Variants in NRXN1 observed in about 807,000 individuals in gnomAD.
NRXN1 encodes neurexin-1.
A neutral mutation model predicts 150.9 loss-of-function variants in NRXN1; 39 were observed. The ratio of observed to expected loss-of-function variants is 0.26; its 90% CI spans 0.20 to 0.34. NRXN1 has a LOEUF of 0.34. Among genes scored for constraint, NRXN1 ranks in the 10% least tolerant of loss-of-function variants. The pLI, the probability that NRXN1 is intolerant of heterozygous loss-of-function variation, is 1.00. For missense variants in NRXN1, 1,815 were observed against 1,949.9 expected (o/e 0.93, Z 1.30); for synonymous variants, 924 against 757.0 (o/e 1.22, Z -3.62).
At chr2:50,370,064 C>T (rs553602860) in intron 17 of NRXN1, among the ~76,000 whole-genome samples, 1 of 152,130 alleles carries the variant, frequency 6.6e-6, no homozygotes, top group Admixed American at 6.6e-5. Context: ...CATTGAGACT[C>T]CATTATCTAC....
chr2:50,622,723 C>A lies in NRXN1; in HGVS notation c.1134+591G>T, dbSNP rs570677426. Among the ~76,000 whole-genome samples, 4 of 152,160 alleles carry A rather than the reference C, an allele frequency of 2.6e-5. No individual in the cohort carries two copies. In the South Asian group the frequency reaches 8.3e-4, roughly 32 times the overall value. On this transcript the variant is annotated intron_variant, in intron 6 of 22. Coordinates refer to ENST00000401669, the MANE Select transcript of NRXN1 (RefSeq NM_001330078.2). Reference sequence around the variant, plus strand: ...AATGGGCACCTAGAAGATTAACTGGCCTTTCCAGAGTCATTTGGGGTTTAA... The same window carrying A: ...AATGGGCACCTAGAAGATTAACTGGACTTTCCAGAGTCATTTGGGGTTTAA...
chr2:50,824,321 T>TGC (rs1312295132), intron 5 of NRXN1, among the ~76,000 whole-genome samples: 1 of 151,968 alleles, frequency 6.6e-6, no homozygotes, highest in Admixed American at 6.6e-5. Flanking sequence ...TGTGTGTGTG[T>TGC]GTGTGAAAAA....
intron 18 of NRXN1, among the ~76,000 whole-genome samples, chr2:50,162,307 T>G (rs2059411312): frequency 6.6e-6 from 1 of 152,126 alleles, no homozygotes; most frequent in Non-Finnish European, 1.5e-5. Context: ...CAACTCAAAC[T>G]AGGAAAATGA....
chr2:50,505,747 T>A (rs1049875242), intron 13 of NRXN1, among the ~76,000 whole-genome samples: 4 of 152,162 alleles, frequency 2.6e-5, no homozygotes, highest in African/African-American at 9.7e-5. Flanking sequence ...TCGAATTGAA[T>A]GAACAGACAC....
At chr2:50,480,525 CTGTG>C (rs2090383749) in intron 15 of NRXN1, among the ~76,000 whole-genome samples, 2 of 152,144 alleles carry the variant, frequency 1.3e-5, no homozygotes, top group South Asian at 2.1e-4. Flanking sequence ...CATTTATTTG[CTGTG>C]TGTGTCTGTA....
chr2:50,503,803 T>G (rs1283279639), intron 13 of NRXN1, among the ~76,000 whole-genome samples: 2 of 152,062 alleles, frequency 1.3e-5, no homozygotes, highest in Admixed American at 1.3e-4. Context: ...CCACAGACAG[T>G]TTATTAGTTG....
chr2:50,053,628 T>A, intron 20 of NRXN1, 38 bp from the exon 21 acceptor site: 2 of 1,593,812 alleles, frequency 1.3e-6, no homozygotes, highest in Non-Finnish European at 8.6e-7. Flanking sequence ...AAAATGTTGA[T>A]TGTGAACTCT....
intron 17 of NRXN1, among the ~76,000 whole-genome samples, chr2:50,430,795 T>C (rs532764041): frequency 1.3e-5 from 2 of 152,358 alleles, no homozygotes; most frequent in African/African-American, 4.8e-5. Context: ...TAATTCCTAA[T>C]AGGAATCCTT....
At chr2:49,950,507 A>T (rs976036562) in intron 21 of NRXN1, among the ~76,000 whole-genome samples, 3 of 152,032 alleles carry the variant, frequency 2.0e-5, no homozygotes, top group African/African-American at 7.2e-5. Flanking sequence ...TCTGATAGGC[A>T]TAAAATATTC....
intron 15 of NRXN1, among the ~76,000 whole-genome samples, chr2:50,474,608 C>T (rs540191596): frequency 1.9e-4 from 27 of 140,350 alleles, no homozygotes; most frequent in Non-Finnish European, 3.3e-4. Context: ...AGACCTTAGA[C>T]AGTCTCACAC....
intron 5 of NRXN1, among the ~76,000 whole-genome samples, chr2:50,878,918 G>T (rs1304175004): frequency 6.6e-6 from 1 of 151,938 alleles, no homozygotes; most frequent in Non-Finnish European, 1.5e-5. Context: ...TTAACAAAAG[G>T]TGGGAGTAGT....
chr2:50,134,366 T>C (rs1706053537), intron 18 of NRXN1, among the ~76,000 whole-genome samples: 1 of 151,904 alleles, frequency 6.6e-6, no homozygotes, highest in Admixed American at 6.6e-5. Context: ...AAGGATATTC[T>C]GCAGAACCTA....
At chr2:50,287,198 T>C (rs773819068) in intron 17 of NRXN1, among the ~76,000 whole-genome samples, 19 of 152,272 alleles carry the variant, frequency 1.2e-4, no homozygotes, top group Non-Finnish European at 2.2e-4. Flanking sequence ...TTTGTGTACC[T>C]AGGTCTCACA....
At position 50,939,990 on chromosome 2, in the gene NRXN1, T is replaced by G. The variant is rs570505413; in HGVS notation, c.773-14035A>C. ...AGAATTATAAAGCCATCAATTAAAT[T>G]TTTAAATGACTTTCTTATGAAGGGA... On this transcript the variant is annotated intron_variant, in intron 2 of 22. Transcript: ENST00000401669. Among the ~76,000 whole-genome samples, 147 of 152,302 alleles carry G rather than the reference T, an allele frequency of 9.7e-4. No homozygotes were observed. The Middle Eastern group carries it at 0.014, about 14-fold the overall frequency.
chr2:50,440,853 T>C (rs2104448781), intron 17 of NRXN1, among the ~76,000 whole-genome samples: 1 of 152,284 alleles, frequency 6.6e-6, no homozygotes, highest in Admixed American at 6.5e-5. Context: ...TCTGATCAAA[T>C]GAAAATTTTC....
chr2:50,124,392 G>C (rs1458816323), intron 18 of NRXN1, among the ~76,000 whole-genome samples: 1 of 152,210 alleles, frequency 6.6e-6, no homozygotes, highest in East Asian at 1.9e-4. Flanking sequence ...CTAGAACTCT[G>C]AACATCATTT....
chr2:50,967,162 G>A (rs1409636803), intron 2 of NRXN1, among the ~76,000 whole-genome samples: 1 of 151,752 alleles, frequency 6.6e-6, no homozygotes, highest in Non-Finnish European at 1.5e-5. Context: ...ATAGGCTGTG[G>A]CCTTTTGTTA....
intron 18 of NRXN1, among the ~76,000 whole-genome samples, chr2:50,135,607 C>T (rs1031388624): frequency 3.3e-5 from 5 of 152,110 alleles, no homozygotes; most frequent in Middle Eastern, 3.2e-3. Flanking sequence ...GGGAGACTGG[C>T]GTGAACCTGG....
chr2:50,384,394 T>A (rs2081174867), intron 17 of NRXN1, among the ~76,000 whole-genome samples: 1 of 150,590 alleles, frequency 6.6e-6, no homozygotes, highest in Admixed American at 6.7e-5. Flanking sequence ...TAGTCCCAGC[T>A]ACTTGGGAGG....
Sources: gnomAD v4.1 joint callset for allele counts (sites outside exome capture counted in the v4.1 genomes callset) on GRCh38, gnomAD v4.1.1 for gene constraint, MANE v1.5 for transcripts, NCBI Gene and HGNC (gene_info 2026-07-23, HGNC 2026-07-21) for gene names.